Variants in SHANK2 observed in about 807,000 individuals in gnomAD.
The protein encoded by SHANK2 is SH3 and multiple ankyrin repeat domains protein 2.
Under a neutral mutation model 133.7 loss-of-function variants are expected in SHANK2, and 43 were observed. The ratio of observed to expected loss-of-function variants is 0.32; its 90% CI spans 0.25 to 0.41. The LOEUF is 0.41. Ranked by LOEUF, SHANK2 falls within the 10% of genes least tolerant of loss-of-function variation. The probability of loss-of-function intolerance (pLI) is 1.00; values close to 1 mark genes in which losing one functional copy is unlikely to be tolerated. For synonymous variants in SHANK2, 1,017 were observed against 952.8 expected (o/e 1.07, Z -1.24); for missense variants, 1,994 against 2,235.8 (o/e 0.89, Z 2.18).
At chr11:70,803,658 G>A (rs1056651678) in intron 13 of SHANK2, among the ~76,000 whole-genome samples, 3 of 152,038 alleles carry the variant, frequency 2.0e-5, no homozygotes, top group East Asian at 1.9e-4. Flanking sequence ...CAGGGACTTC[G>A]GGAAGAGAGG....
At chr11:70,697,706 G>C (rs1449787898) in intron 15 of SHANK2, among the ~76,000 whole-genome samples, 2 of 152,174 alleles carry the variant, frequency 1.3e-5, no homozygotes, top group African/African-American at 2.4e-5. Context: ...TCTAAGAGTC[G>C]AGTGCAGGGG....
intron 11 of SHANK2, among the ~76,000 whole-genome samples, chr11:70,843,297 G>C (rs1488338308): frequency 6.7e-6 from 1 of 149,882 alleles, no homozygotes; most frequent in African/African-American, 2.4e-5. Context: ...CTGCTAAAGG[G>C]TGGGCTGGGC....
chr11:70,578,455 G>T (rs894233775), intron 17 of SHANK2, among the ~76,000 whole-genome samples: 1 of 152,196 alleles, frequency 6.6e-6, no homozygotes, highest in Non-Finnish European at 1.5e-5. Flanking sequence ...GCATCACGAC[G>T]CACAGCCTTC....
chr11:70,876,588 TACACAC>T (rs3064230), intron 11 of SHANK2, among the ~76,000 whole-genome samples: 29 of 135,354 alleles, frequency 2.1e-4, no homozygotes, highest in African/African-American at 7.8e-4. Flanking sequence ...AAAAAAATTA[TACACAC>T]ACACACACAC....
chr11:70,784,343 G>GTTTTTTTTTTTT lies in SHANK2; in HGVS notation c.1777+14088_1777+14099dup, dbSNP rs71049942. Among the ~76,000 whole-genome samples the GTTTTTTTTTTTT allele has an allele frequency of 2.3e-4, 10 of 42,858 alleles. 1 individual carries two copies. Among genetic ancestry groups the GTTTTTTTTTTTT allele is most frequent in the African/African-American group, 7.1e-4 (9 of 12,596 alleles). The allele number at this position is 42,858 out of a possible 152,430, so 28.1% of individuals were successfully genotyped here. On this transcript the variant is annotated intron_variant, in intron 14 of 25. Coordinates refer to ENST00000601538, the MANE Select transcript of SHANK2 (RefSeq NM_012309.5). ...AGGGCGTGCGCCACCACACCGGCTA[G>GTTTTTTTTTTTT]TTTTTTTTTTTTTTTTTTTTTTTTT...
intron 17 of SHANK2, among the ~76,000 whole-genome samples, chr11:70,629,214 G>T (rs937286187): frequency 2.0e-5 from 3 of 152,110 alleles, no homozygotes; most frequent in Non-Finnish European, 2.9e-5. Flanking sequence ...AGAGCCTTGG[G>T]TGTGTTCTCC....
At position 70,804,149 on chromosome 11, in the gene SHANK2, C is replaced by A. The variant is rs540657296; in HGVS notation, c.1663+2853G>T. On this transcript the variant is annotated intron_variant, in intron 13 of 25. Transcript: ENST00000601538. The surrounding 1 kb of genome is among the most constrained non-coding windows in gnomAD (Gnocchi z 4.1). ...GGAAACCCTCCCAGACCTGCCCCTG[C>A]CAGCCAGGCAGCTGGGTTTCCTGCC... Among the ~76,000 whole-genome samples the A allele has an allele frequency of 6.6e-6, 1 of 152,302 alleles. No individual in the cohort carries two copies. The highest frequency in any genetic ancestry group is 6.5e-5 in the Admixed American group (1 of 15,306).
At chr11:71,086,569 T>A (rs1210852469) in intron 8 of SHANK2, among the ~76,000 whole-genome samples, 1 of 146,430 alleles carries the variant, frequency 6.8e-6, no homozygotes, top group South Asian at 2.1e-4. Flanking sequence ...ATATATATCA[T>A]TAGACTTGGA....
intron 2 of SHANK2, among the ~76,000 whole-genome samples, chr11:71,190,366 T>C (rs1384633761): frequency 1.3e-5 from 2 of 152,178 alleles, no homozygotes; most frequent in Non-Finnish European, 2.9e-5. Context: ...GAGGCAGCGG[T>C]GCTAAGTACT....
rs529426158 is a variant in SHANK2, at chr11:70,687,465, T to C, written c.1853+11223A>G. Among the ~76,000 whole-genome samples the C allele has an allele frequency of 1.3e-4, 20 of 152,308 alleles. No homozygotes were observed. The South Asian group carries it at 4.1e-3, about 32-fold the overall frequency. On this transcript the variant is annotated intron_variant, in intron 15 of 25. Coordinates refer to ENST00000601538, the MANE Select transcript of SHANK2 (RefSeq NM_012309.5). ...CTGTGGGCGCCTCTTTCCAGCTTGC[T>C]CAGTGACCTCACGTTGGCAGCTCGG...
At chr11:70,562,788 C>T (rs565596987) in intron 17 of SHANK2, among the ~76,000 whole-genome samples, 2 of 152,288 alleles carry the variant, frequency 1.3e-5, no homozygotes, top group East Asian at 3.9e-4. Flanking sequence ...TGTCCTCTTT[C>T]CATTTTGCTT....
chr11:71,135,485 T>G (rs1413522101), intron 3 of SHANK2, among the ~76,000 whole-genome samples: 3 of 128,634 alleles, frequency 2.3e-5, no homozygotes, highest in Non-Finnish European at 4.7e-5. Context: ...GGGATATGTT[T>G]TTTTTTTTTT....
chr11:70,653,833 C>T (rs2061370321), intron 17 of SHANK2, among the ~76,000 whole-genome samples: 2 of 152,144 alleles, frequency 1.3e-5, no homozygotes, highest in African/African-American at 2.4e-5. Flanking sequence ...AGGGTTTCAC[C>T]ATGTTGGCCA....
intron 6 of SHANK2, 98 bp downstream of exon 6, chr11:71,109,843 A>G: frequency 1.3e-6 from 1 of 752,336 alleles, no homozygotes; most frequent in Admixed American, 2.3e-5. Context: ...ACCAAGTAAA[A>G]GGTAACTGCA....
intron 2 of SHANK2, among the ~76,000 whole-genome samples, chr11:71,181,168 A>G (rs1214122008): frequency 1.3e-5 from 2 of 152,116 alleles, no homozygotes; most frequent in Non-Finnish European, 2.9e-5. Flanking sequence ...AAGAAGGCCC[A>G]GGAACGGAAT....
At chr11:70,949,757 C>G (rs530868403) in intron 10 of SHANK2, among the ~76,000 whole-genome samples, 129 of 152,350 alleles carry the variant, frequency 8.5e-4, no homozygotes, top group Admixed American at 3.7e-3. Flanking sequence ...CCTGGGCCAG[C>G]CTCTCTGGGC....
Position 70,469,822 on chromosome 11 carries a change from A to G in SHANK2, c.*3047T>C, listed in dbSNP as rs2058576437. ...TAAAGTTCAGCAAATCAACAGTCAC[A>G]TTGAGTAATTTTTATATTATGTGAA... On this transcript the variant is annotated 3_prime_UTR_variant, in exon 26 of 26. Coordinates refer to ENST00000601538, the MANE Select transcript of SHANK2 (RefSeq NM_012309.5). 1.3e-5 allele frequency: 2 copies of G among 152,680 alleles called. No individual in the cohort carries two copies. Among genetic ancestry groups the G allele is most frequent in the South Asian group, 2.1e-4 (1 of 4,836 alleles). 9.5% of individuals were successfully genotyped at this position (152,680 alleles called of 1,614,324 possible).
chr11:70,742,885 G>A (rs782671999), intron 14 of SHANK2, among the ~76,000 whole-genome samples: 1 of 152,142 alleles, frequency 6.6e-6, no homozygotes, highest in African/African-American at 2.4e-5. Flanking sequence ...TTTGCCTTGG[G>A]CTGGAAGTAG....
chr11:70,605,624 G>A (rs375941722), intron 17 of SHANK2, among the ~76,000 whole-genome samples: 69 of 152,322 alleles, frequency 4.5e-4, no homozygotes, highest in African/African-American at 1.5e-3. Flanking sequence ...TGTATCAGGC[G>A]CACGGGGAGC....
Sources: allele counts gnomAD v4.1 joint callset (sites outside exome capture counted in the v4.1 genomes callset), GRCh38; gene constraint gnomAD v4.1.1; non-coding constraint Gnocchi (gnomAD v3.1); transcripts MANE v1.5; gene names NCBI Gene and HGNC (gene_info 2026-07-23, HGNC 2026-07-21).